Variants in NECTIN2 observed in about 807,000 individuals in gnomAD.
NECTIN2 encodes the protein nectin-2.
A neutral mutation model predicts 56.9 loss-of-function variants in NECTIN2; 23 were observed. The observed-to-expected ratio is 0.40, with a 90% CI of 0.29 to 0.57. The LOEUF (loss-of-function observed/expected upper bound fraction) is 0.57, where lower values mean the gene tolerates loss of function less well. Ranked by LOEUF, NECTIN2 falls within the 20% of genes least tolerant of loss-of-function variation. The pLI is 0.38. For missense variants in NECTIN2, 587 were observed against 718.3 expected (o/e 0.82, Z 2.09); for synonymous variants, 302 against 313.8 (o/e 0.96, Z 0.40).
chr19:44,878,793 C>T, intron 5 of NECTIN2: 1 of 1,409,192 alleles, frequency 7.1e-7, no homozygotes, highest in Non-Finnish European at 9.2e-7. Flanking sequence ...CTGGACTTCT[C>T]CCGTCTCTAG....
intron 5 of NECTIN2, among the ~76,000 whole-genome samples, chr19:44,881,188 G>A (rs978200614): frequency 1.4e-4 from 22 of 152,076 alleles, no homozygotes; most frequent in African/African-American, 4.6e-4. Context: ...GATTACAGGC[G>A]TCAGTCACTG....
intron 1 of NECTIN2, among the ~76,000 whole-genome samples, chr19:44,861,227 G>T (rs1969028876): frequency 6.6e-6 from 1 of 152,160 alleles, no homozygotes; most frequent in African/African-American, 2.4e-5. Flanking sequence ...AGCCTCTATG[G>T]CAAACAGCAT....
chr19:44,847,999 G>A (rs1599904305), intron 1 of NECTIN2, among the ~76,000 whole-genome samples: 1 of 152,194 alleles, frequency 6.6e-6, no homozygotes, highest in African/African-American at 2.4e-5. Flanking sequence ...TGACCCGGTT[G>A]TGTATTCCCA....
rs1213214448 is a variant in NECTIN2, at chr19:44,888,690, C to A, written c.*311C>A. 26 of 363,418 alleles carry A rather than the reference C, an allele frequency of 7.2e-5. No individual in the cohort carries two copies. The highest frequency in any genetic ancestry group is 1.1e-4 in the Non-Finnish European group (22 of 196,226). 22.5% of individuals were successfully genotyped at this position (363,418 alleles called of 1,614,324 possible). A position where few individuals can be genotyped will look rare whatever the true frequency, so the allele number is the denominator to read the frequency against. ...AGACCATACCTCTCACCCCCCAATG[C>A]CTCGACTCCCCCAAAATCACAAAGA... On this transcript the variant is annotated 3_prime_UTR_variant, in exon 9 of 9. Coordinates refer to ENST00000252483, the MANE Select transcript of NECTIN2 (RefSeq NM_001042724.2).
At position 44,888,698 on chromosome 19, in the gene NECTIN2, C is replaced by A. The variant is rs1568602309; in HGVS notation, c.*319C>A. On this transcript the variant is annotated 3_prime_UTR_variant, in exon 9 of 9. Coordinates refer to ENST00000252483, the MANE Select transcript of NECTIN2 (RefSeq NM_001042724.2). ...CCTCTCACCCCCCAATGCCTCGACT[C>A]CCCCAAAATCACAAAGAAGACCCTA... 1 of 350,996 alleles carries A rather than the reference C, an allele frequency of 2.8e-6. No homozygotes were observed. Among genetic ancestry groups the A allele is most frequent in the Non-Finnish European group, 5.3e-6 (1 of 188,478 alleles). The allele number at this position is 350,996 out of a possible 1,614,324, so 21.7% of individuals were successfully genotyped here.
chr19:44,873,827 G>C, intron 3 of NECTIN2, 89 bp from the exon 4 acceptor site: 1 of 999,958 alleles, frequency 1.0e-6, no homozygotes, highest in South Asian at 1.4e-5. Context: ...AACCCGCCCC[G>C]TTTCTTTAGC....
intron 1 of NECTIN2, among the ~76,000 whole-genome samples, chr19:44,863,044 C>A (rs1269819762): frequency 6.6e-6 from 1 of 150,952 alleles, no homozygotes; most frequent in Non-Finnish European, 1.5e-5. Context: ...CGCCTGTAAT[C>A]CCAGCTACTC....
chr19:44,867,611 A>C (rs1969116423), intron 2 of NECTIN2, among the ~76,000 whole-genome samples: 1 of 152,178 alleles, frequency 6.6e-6, no homozygotes, highest in South Asian at 2.1e-4. Flanking sequence ...TCTGAGAAGG[A>C]GCTACCTTTG....
rs1599927352 is a variant in NECTIN2, at chr19:44,882,348, G to A, written c.1180G>A (p.Ala394Thr). ...QQRKEQTLQG[A>T]EEDEDLEGPP... ...GCGGAAGGAGCAGACGCTGCAGGGG[G>A]CAGAGGAGGACGAAGAGTAAGTGAT... The change falls in exon 6 of 9, where the codon GCA becomes ACA. Residue 394 changes from alanine to threonine, a missense_variant. Ala to Thr is a moderately conservative substitution (Grantham distance 58). Coordinates refer to ENST00000252483, the MANE Select transcript of NECTIN2 (RefSeq NM_001042724.2). The A allele has an allele frequency of 2.0e-5, 29 of 1,473,238 alleles. No homozygotes were observed. The highest frequency in any genetic ancestry group is 2.6e-5 in the East Asian group (1 of 37,922). The allele number at this position is 1,473,238 out of a possible 1,614,324, so 91.3% of individuals were successfully genotyped here.
chr19:44,871,296 G>A (rs1357743128), intron 2 of NECTIN2, among the ~76,000 whole-genome samples: 3 of 152,164 alleles, frequency 2.0e-5, no homozygotes, highest in Admixed American at 6.6e-5. Flanking sequence ...GGGAGCCGAG[G>A]TGGGAAGATG....
In NECTIN2 at chr19:44,874,066, A is replaced by C. The variant is rs768963587; in HGVS notation, c.893+33A>C. The C allele has an allele frequency of 1.8e-5, 28 of 1,558,634 alleles. No individual in the cohort carries two copies. Among genetic ancestry groups the C allele is most frequent in the Non-Finnish European group, 2.4e-5 (27 of 1,133,124 alleles). On this transcript the variant is annotated intron_variant, in intron 4 of 8. Coordinates refer to ENST00000252483, the MANE Select transcript of NECTIN2 (RefSeq NM_001042724.2). The surrounding 1 kb of genome is among the most constrained non-coding windows in gnomAD (Gnocchi z 6.3). ...ACGTGGTCTCAGAACCCTGGGTCTG[A>C]GGGAGGCGGGGCTGGGGGCCTGGAC... is the stretch of plus-strand genomic sequence containing the variant.
At chr19:44,853,746 C>A (rs35396326) in intron 1 of NECTIN2, among the ~76,000 whole-genome samples, 1 of 152,076 alleles carries the variant, frequency 6.6e-6, no homozygotes, top group Non-Finnish European at 1.5e-5. Context: ...CTCGGCCTCC[C>A]AAAGTGTTGG....
At chr19:44,870,265 G>A (rs1430964622) in intron 2 of NECTIN2, among the ~76,000 whole-genome samples, 1 of 152,178 alleles carries the variant, frequency 6.6e-6, no homozygotes, top group African/African-American at 2.4e-5. Context: ...TGGGGAAGTG[G>A]TGGGCTCGGG....
chr19:44,888,011 G>A (rs1194751324), intron 8 of NECTIN2, 99 bp from the exon 9 acceptor site: 3 of 1,310,846 alleles, frequency 2.3e-6, no homozygotes, highest in Non-Finnish European at 3.2e-6. Flanking sequence ...TTGTTGGCAT[G>A]GGGAGAGAGC....
intron 2 of NECTIN2, among the ~76,000 whole-genome samples, chr19:44,866,818 C>T (rs1969106523): frequency 6.6e-6 from 1 of 152,082 alleles, no homozygotes; most frequent in African/African-American, 2.4e-5. Context: ...ACCAGCTCCT[C>T]CTGGCTGTGT....
chr19:44,869,794 T>C (rs1341280109), intron 2 of NECTIN2, among the ~76,000 whole-genome samples: 3 of 151,004 alleles, frequency 2.0e-5, no homozygotes, highest in Non-Finnish European at 4.4e-5. Flanking sequence ...AAACTACAAA[T>C]AAAAATTAGC....
intron 1 of NECTIN2, among the ~76,000 whole-genome samples, 189 bp downstream of exon 1, chr19:44,846,802 C>T (rs2122615430): frequency 6.6e-6 from 1 of 151,434 alleles, no homozygotes; most frequent in African/African-American, 2.4e-5. Flanking sequence ...GACTCTGACC[C>T]CTCCTTTCTG....
intron 1 of NECTIN2, among the ~76,000 whole-genome samples, chr19:44,859,282 C>T (rs2122646507): frequency 6.6e-6 from 1 of 152,308 alleles, no homozygotes; most frequent in East Asian, 1.9e-4. Flanking sequence ...ACTGACCTCT[C>T]ATTTCCTGGG....
intron 1 of NECTIN2, among the ~76,000 whole-genome samples, chr19:44,852,186 C>T (rs1968907465): frequency 6.6e-6 from 1 of 152,020 alleles, no homozygotes; most frequent in Non-Finnish European, 1.5e-5. Context: ...CTCTCTCACT[C>T]TGTCTTCCAA....
Sources: gnomAD v4.1 joint callset for allele counts (sites outside exome capture counted in the v4.1 genomes callset) on GRCh38, gnomAD v4.1.1 for gene constraint, Gnocchi (gnomAD v3.1) non-coding constraint, MANE v1.5 for transcripts, NCBI Gene and HGNC (gene_info 2026-07-23, HGNC 2026-07-21) for gene names.